The following EPHA7 variants were observed in gnomAD, a reference collection of about 807,000 sequenced individuals.
The protein encoded by EPHA7 is ephrin type-A receptor 7.
In EPHA7, 25 loss-of-function variants were observed where a neutral mutation model predicts 112.6. That is an observed-to-expected ratio of 0.22 (90% confidence interval 0.16 to 0.31). The LOEUF (loss-of-function observed/expected upper bound fraction) is 0.31. EPHA7 is among the 10% of genes least tolerant of loss of function. The probability of loss-of-function intolerance (pLI) is 1.00; values close to 1 mark genes in which losing one functional copy is unlikely to be tolerated. For synonymous variants in EPHA7, 437 were observed against 406.5 expected, an observed-to-expected ratio of 1.07 and a Z score of -0.90; for missense variants, 962 against 1,212.6, an observed-to-expected ratio of 0.79 and a Z score of 3.07.
intron 5 of EPHA7, among the ~76,000 whole-genome samples, chr6:93,322,702 C>T (rs1370799244): frequency 6.6e-6 from 1 of 151,514 alleles, no homozygotes; most frequent in African/African-American, 2.4e-5. Context: ...AAATTAGGAC[C>T]CATTTTCATG....
chr6:93,359,854 T>TAGAGAGAG (rs57690732), intron 3 of EPHA7, among the ~76,000 whole-genome samples: 12,476 of 124,344 alleles, frequency 0.1, 777 homozygotes, highest in East Asian at 0.21. Flanking sequence ...CAATAGATGA[T>TAGAGAGAG]AGAGAGAGAG....
chr6:93,414,567 T>C, intron 2 of EPHA7, 136 bp downstream of exon 2: 1 of 700,466 alleles, frequency 1.4e-6, no homozygotes, highest in Non-Finnish European at 2.4e-6. Flanking sequence ...TCATTATAAA[T>C]GCAACATAAT....
chr6:93,350,408 T>C (rs1388465591), intron 5 of EPHA7, among the ~76,000 whole-genome samples: 1 of 152,040 alleles, frequency 6.6e-6, no homozygotes, highest in Non-Finnish European at 1.5e-5. Context: ...ATTGCAATCA[T>C]TTGGGTCATC....
chr6:93,258,274 A>C lies in EPHA7; in HGVS notation c.1935T>G (p.Gly645=), dbSNP rs1251795664. The C allele has an allele frequency of 2.5e-6, 4 of 1,592,374 alleles. No homozygotes were observed. The highest frequency in any genetic ancestry group is 3.4e-6 in the Non-Finnish European group (4 of 1,168,876). Residue 645 remains glycine (G), a synonymous_variant, in exon 11 of 17, where the codon GGT becomes GGG. Coordinates refer to ENST00000369303, the MANE Select transcript of EPHA7 (RefSeq NM_004440.4). ...IERVIGAGEF[G]EVCSGRLKLP... is the part of the protein sequence containing the mutation. The stretch of plus-strand genomic sequence containing the variant: ...GTTTCAAACGGCCACTGCAGACTTC[A>C]CCGAATTCTCCTGAAGTAACAGAAC...
At chr6:93,402,742 T>C (rs987049197) in intron 3 of EPHA7, among the ~76,000 whole-genome samples, 4 of 151,996 alleles carry the variant, frequency 2.6e-5, no homozygotes, top group African/African-American at 9.7e-5. Flanking sequence ...TGTTTTGCAA[T>C]CCAAACTAAT....
chr6:93,399,764 T>G (rs1168981836), intron 3 of EPHA7, among the ~76,000 whole-genome samples: 1 of 152,032 alleles, frequency 6.6e-6, no homozygotes, highest in Non-Finnish European at 1.5e-5. Context: ...GTATTATGTG[T>G]GTGTACTGGC....
At chr6:93,299,564 A>C (rs532669222) in intron 5 of EPHA7, among the ~76,000 whole-genome samples, 1 of 152,282 alleles carries the variant, frequency 6.6e-6, no homozygotes, top group African/African-American at 2.4e-5. Context: ...CCATTGTGGA[A>C]AGCAGTGTGG....
chr6:93,267,673 C>T (rs1239144402), intron 7 of EPHA7, among the ~76,000 whole-genome samples: 4 of 151,718 alleles, frequency 2.6e-5, no homozygotes, highest in African/African-American at 9.7e-5. Flanking sequence ...TCTTAACATA[C>T]ATTTCATGTG....
chr6:93,397,429 C>T (rs1188487828), intron 3 of EPHA7, among the ~76,000 whole-genome samples: 1 of 151,864 alleles, frequency 6.6e-6, no homozygotes, highest in African/African-American at 2.4e-5. Flanking sequence ...TCAAATAAAT[C>T]ATTACTCTTA....
At position 93,306,811 on chromosome 6, in the gene EPHA7, G is replaced by C. The variant is rs552058615; in HGVS notation, c.1325-34389C>G. Among the ~76,000 whole-genome samples the C allele has an allele frequency of 1.4e-4, 21 of 151,942 alleles. No individual in the cohort carries two copies. In the South Asian group the frequency reaches 4.4e-3, roughly 31 times the overall value. ...TTTTCACTATGCTACAATTTGAACCGAATTATGACCTATTGTAAGAATGCT... is the reference window on the plus strand; with the variant it reads ...TTTTCACTATGCTACAATTTGAACCCAATTATGACCTATTGTAAGAATGCT... On this transcript the variant is annotated intron_variant, in intron 5 of 16. Transcript: ENST00000369303.
Position 93,329,401 on chromosome 6 carries a change from T to G in EPHA7, c.1324+27316A>C, listed in dbSNP as rs544524916. 1.3e-4 allele frequency among the ~76,000 whole-genome samples: 20 copies of G among 151,564 alleles called. 1 individual carries two copies. The South Asian group carries it at 4.1e-3, about 31-fold the overall frequency. On this transcript the variant is annotated intron_variant, in intron 5 of 16. Transcript: ENST00000369303. ...ATATAAGCCAGATTATAAGCAATAT[T>G]AATGTAAATATGAAAATACAATTAT...
Position 93,368,626 on chromosome 6 carries a change from T to C in EPHA7, c.833-10215A>G, listed in dbSNP as rs560763372. Among the ~76,000 whole-genome samples, 28 of 152,202 alleles carry C rather than the reference T, an allele frequency of 1.8e-4. No individual in the cohort carries two copies. The South Asian group carries it at 5.4e-3, about 29-fold the overall frequency. On this transcript the variant is annotated intron_variant, in intron 3 of 16. Coordinates refer to ENST00000369303, the MANE Select transcript of EPHA7 (RefSeq NM_004440.4). ...CCATAATATATTTAAATCTATATAT[T>C]TGTGGTGCAAGCCTTGAAAAATCCA...
chr6:93,314,464 C>T (rs1201385301), intron 5 of EPHA7, among the ~76,000 whole-genome samples: 1 of 152,100 alleles, frequency 6.6e-6, no homozygotes, highest in African/African-American at 2.4e-5. Flanking sequence ...CTGACAGGTC[C>T]AACCTCCATA....
chr6:93,354,940 T>C (rs1008733627), intron 5 of EPHA7, among the ~76,000 whole-genome samples: 1 of 152,124 alleles, frequency 6.6e-6, no homozygotes, highest in Non-Finnish European at 1.5e-5. Flanking sequence ...TAAAAGAATG[T>C]CATTCTAACT....
At chr6:93,405,783 ATGTGTGTGTGTGTGTGTG>A (rs371052750) in intron 3 of EPHA7, among the ~76,000 whole-genome samples, 5 of 95,296 alleles carry the variant, frequency 5.2e-5, no homozygotes, top group Non-Finnish European at 8.1e-5. Flanking sequence ...TTCTGTATAT[ATGTGTGTGTGTGTGTGTG>A]TGTGTGTGTG....
In EPHA7 at chr6:93,293,881, C is replaced by T. The variant is rs924294439; in HGVS notation, c.1325-21459G>A. 4.6e-5 allele frequency among the ~76,000 whole-genome samples: 7 copies of T among 152,242 alleles called. No individual in the cohort carries two copies. In the East Asian group the frequency reaches 7.7e-4, roughly 17 times the overall value. On this transcript the variant is annotated intron_variant, in intron 5 of 16. Transcript: ENST00000369303. ...TTTTTCAATAGTAAAATGTTTGCAA[C>T]GTGCTTATGGATAAAAACTGGCCCG...
At chr6:93,353,197 TA>T (rs1775780477) in intron 5 of EPHA7, among the ~76,000 whole-genome samples, 1 of 152,090 alleles carries the variant, frequency 6.6e-6, no homozygotes, top group African/African-American at 2.4e-5. Context: ...TTCTATATTT[TA>T]AAAAATATCT....
intron 5 of EPHA7, among the ~76,000 whole-genome samples, chr6:93,338,066 C>G (rs1774961896): frequency 6.6e-6 from 1 of 151,966 alleles, no homozygotes; most frequent in Non-Finnish European, 1.5e-5. Flanking sequence ...AAGTCTTGAA[C>G]AGAAAGCCTA....
At chr6:93,373,321 AT>A (rs1404509580) in intron 3 of EPHA7, among the ~76,000 whole-genome samples, 7 of 151,976 alleles carry the variant, frequency 4.6e-5, no homozygotes. Context: ...TTTTCTTAAA[AT>A]CTAAATGTTC....
Sources: gnomAD v4.1 joint callset for allele counts (sites outside exome capture counted in the v4.1 genomes callset) on GRCh38, gnomAD v4.1.1 for gene constraint, MANE v1.5 for transcripts, NCBI Gene and HGNC (gene_info 2026-07-23, HGNC 2026-07-21) for gene names.